The following GOLGA8A variants were observed in gnomAD, a reference collection of about 807,000 sequenced individuals.
GOLGA8A encodes the protein golgin A8 family member A, also known as golgin subfamily A member 8A.
GOLGA8A carries 3 observed loss-of-function variants against 22.1 expected under a neutral mutation model. The ratio of observed to expected loss-of-function variants is 0.14; its 90% confidence interval spans 0.06 to 0.35. The LOEUF (loss-of-function observed/expected upper bound fraction) is 0.35. Among genes scored for constraint, GOLGA8A ranks in the 10% least tolerant of loss-of-function variants. The pLI, the probability that GOLGA8A is intolerant of heterozygous loss-of-function variation, is 1.00. For synonymous variants in GOLGA8A, 7 were observed against 91.7 expected (o/e 0.08, Z 5.28); for missense variants, 16 against 233.2 (o/e 0.07, Z 6.07).
chr15:34,405,492 G>A lies in GOLGA8A; in HGVS notation c.-713-437C>T, dbSNP rs560434333. ...TGGGATTTCAGACACCCATCACCAC[G>A]CCCAGCTAATTTGTGTATATTTTTA... On this transcript the variant is annotated intron_variant, in intron 4 of 24. Transcript: ENST00000359187. 8.9e-5 allele frequency among the ~76,000 whole-genome samples: 13 copies of A among 146,284 alleles called. 1 individual carries two copies. The highest frequency in any genetic ancestry group is 5.5e-4 in the Admixed American group (8 of 14,552).
In GOLGA8A at chr15:34,418,330, A is replaced by C; in HGVS notation, c.-1122-10595T>G. ...AGTTGTCAGTCCTGGGTATAATTTT[A>C]GATGTTTTCAGGCTCTGAAGCTTTC... On this transcript the variant is annotated intron_variant, in intron 2 of 24. Coordinates refer to ENST00000359187, the MANE Select transcript of GOLGA8A (RefSeq NM_181077.5). 1.4e-5 allele frequency: 2 copies of C among 139,954 alleles called. 1 individual carries two copies. The allele number at this position is 139,954 out of a possible 1,614,324, so 8.7% of individuals were successfully genotyped here. A position where few individuals can be genotyped will look rare whatever the true frequency, so the allele number is the denominator to read the frequency against.
chr15:34,381,929 ACCCCACCCC>A (rs1267913163), intron 23 of GOLGA8A, 30 bp downstream of exon 23: 5,890 of 96,942 alleles, frequency 0.061, 114 homozygotes, highest in Middle Eastern at 0.13. Flanking sequence ...CCACACCCCC[ACCCCACCCC>A]CACCCCCACA....
rs528989348 is a variant in GOLGA8A at position 34,436,533 on chromosome 15, G to A, written c.-1212+865C>T. On this transcript the variant is annotated intron_variant, in intron 1 of 24. Coordinates refer to ENST00000359187, the MANE Select transcript of GOLGA8A (RefSeq NM_181077.5). The stretch of plus-strand genomic sequence containing the variant: ...GCCAGTAAATACTAAGTTAAGACTA[G>A]CAGGCCCCTCTAAGGCTCTGCTCTC... Among the ~76,000 whole-genome samples the A allele has an allele frequency of 5.3e-5, 8 of 150,074 alleles. No individual in the cohort carries two copies. The South Asian group carries it at 8.5e-4, about 16-fold the overall frequency.
intron 2 of GOLGA8A, chr15:34,419,954 G>T (rs1311478564): frequency 7.1e-6 from 1 of 141,756 alleles, no homozygotes; most frequent in Non-Finnish European, 1.5e-5. Context: ...AGGGGCTGGG[G>T]GAGGCGGAAA....
intron 2 of GOLGA8A, among the ~76,000 whole-genome samples, chr15:34,430,702 G>T (rs559082035): frequency 6.7e-6 from 1 of 149,594 alleles, no homozygotes; most frequent in Non-Finnish European, 1.5e-5. Flanking sequence ...CACTGACTGC[G>T]TGCTTTACTG....
At position 34,434,698 on chromosome 15, in the gene GOLGA8A, C is replaced by T. The variant is rs1193932979; in HGVS notation, c.-1123+685G>A. Among the ~76,000 whole-genome samples the T allele has an allele frequency of 2.0e-5, 3 of 149,394 alleles. 1 individual carries two copies. Among genetic ancestry groups the T allele is most frequent in the East Asian group, 2.0e-4 (1 of 5,094 alleles). On this transcript the variant is annotated intron_variant, in intron 2 of 24. Transcript: ENST00000359187. The stretch of plus-strand genomic sequence containing the variant: ...CCAAGGGAACAATGAGCACCCCCAG[C>T]CCCCGATGGGCACACAGGCTGCCTC...
chr15:34,434,751 C>G (rs745738793), intron 2 of GOLGA8A, among the ~76,000 whole-genome samples: 5 of 149,340 alleles, frequency 3.3e-5, no homozygotes, highest in Non-Finnish European at 7.4e-5. Flanking sequence ...CAAACCTGAC[C>G]TACATCTGGG....
intron 2 of GOLGA8A, among the ~76,000 whole-genome samples, chr15:34,429,568 G>A (rs1434659248): frequency 6.7e-6 from 1 of 148,980 alleles, no homozygotes; most frequent in Non-Finnish European, 1.5e-5. Flanking sequence ...GCCTCTCTAG[G>A]AGGGCCTTGG....
chr15:34,431,312 C>CATATAT (rs1157766795), intron 2 of GOLGA8A, among the ~76,000 whole-genome samples: 12 of 45,728 alleles, frequency 2.6e-4, no homozygotes, highest in African/African-American at 6.5e-4. Flanking sequence ...TATATATATA[C>CATATAT]ATATATATAT....
intron 2 of GOLGA8A, among the ~76,000 whole-genome samples, chr15:34,421,542 G>A (rs115750882): frequency 7.0e-6 from 1 of 142,608 alleles, no homozygotes; most frequent in Non-Finnish European, 1.5e-5. Flanking sequence ...CAGATTACTC[G>A]TTTTCAAGCA....
chr15:34,425,518 C>T (rs1413690614), intron 2 of GOLGA8A, among the ~76,000 whole-genome samples: 4 of 144,922 alleles, frequency 2.8e-5, no homozygotes, highest in African/African-American at 5.0e-5. Context: ...TGGTTATATA[C>T]ATTAGGGTAC....
rs1893460646 is a variant in GOLGA8A at position 34,435,463 on chromosome 15, C to T, written c.-1203G>A. ...CCTCCATTTCACAATCCATCTCCAC[C>T]GATTATTCCTGTAAAACATTTTTTT... On this transcript the variant is annotated 5_prime_UTR_variant, in exon 2 of 25. Coordinates refer to ENST00000359187, the MANE Select transcript of GOLGA8A (RefSeq NM_181077.5). 6.7e-6 allele frequency: 1 copy of T among 149,260 alleles called. No homozygotes were observed. The highest frequency in any genetic ancestry group is 2.1e-4 in the South Asian group (1 of 4,660). 9.2% of individuals were successfully genotyped at this position (149,260 alleles called of 1,614,324 possible). A position where few individuals can be genotyped will look rare whatever the true frequency, so the allele number is the denominator to read the frequency against.
chr15:34,430,767 G>A (rs1893191879), intron 2 of GOLGA8A, among the ~76,000 whole-genome samples: 1 of 149,704 alleles, frequency 6.7e-6, no homozygotes. Flanking sequence ...CTCAGTGGCT[G>A]GTGAGGAATG....
chr15:34,416,240 T>TC (rs1168507257), intron 2 of GOLGA8A: 2 of 151,754 alleles, frequency 1.3e-5, no homozygotes, highest in Non-Finnish European at 2.9e-5. Flanking sequence ...GAGAACTTTT[T>TC]CTTCTCTGAT....
Position 34,386,617 on chromosome 15 carries a change from ACT to A in GOLGA8A, c.285+6_285+7del. ...GCGTGGAATCAGGGGACCCCACTGG[ACT>A]CTTACCAAAGATTTGATGGTGTCAT... On this transcript the variant is annotated splice_donor_region_variant and intron_variant, in intron 12 of 24. Coordinates refer to ENST00000359187, the MANE Select transcript of GOLGA8A (RefSeq NM_181077.5). 6.9e-7 allele frequency: 1 copy of A among 1,453,302 alleles called. No homozygotes were observed. The allele number at this position is 1,453,302 out of a possible 1,614,324, so 90.0% of individuals were successfully genotyped here. A position where few individuals can be genotyped will look rare whatever the true frequency, so the allele number is the denominator to read the frequency against.
At position 34,379,428 on chromosome 15, in the gene GOLGA8A, T is replaced by G. The variant is rs2140186385; in HGVS notation, c.*1983A>C. ...GGCTAGAAATCATACGACTGTTAATTAGCCGCATTATTTGGTCTAACATTT... is the reference window on the plus strand; with the variant it reads ...GGCTAGAAATCATACGACTGTTAATGAGCCGCATTATTTGGTCTAACATTT... On this transcript the variant is annotated 3_prime_UTR_variant, in exon 25 of 25. Transcript: ENST00000359187. 1 of 152,718 alleles carries G rather than the reference T, an allele frequency of 6.5e-6. No individual in the cohort carries two copies. The highest frequency in any genetic ancestry group is 2.1e-4 in the South Asian group (1 of 4,832). 9.5% of individuals were successfully genotyped at this position (152,718 alleles called of 1,614,324 possible).
intron 1 of GOLGA8A, among the ~76,000 whole-genome samples, chr15:34,436,310 A>G (rs890445374): frequency 3.3e-5 from 5 of 149,368 alleles, no homozygotes; most frequent in African/African-American, 1.2e-4. Context: ...AAACAAACAA[A>G]AACAAAGAGG....
rs16954646 is a variant in GOLGA8A at position 34,379,917 on chromosome 15, G to A, written c.*1494C>T. ...GACTGAAAATGAGAGGTACAAAAAC[G>A]TATTTCACTCTTCGTAAAGAAGTTT... is the stretch of plus-strand genomic sequence containing the variant. On this transcript the variant is annotated 3_prime_UTR_variant, in exon 25 of 25. Coordinates refer to ENST00000359187, the MANE Select transcript of GOLGA8A (RefSeq NM_181077.5). 18 of 152,584 alleles carry A rather than the reference G, an allele frequency of 1.2e-4. No homozygotes were observed. The highest frequency in any genetic ancestry group is 2.2e-4 in the African/African-American group (9 of 41,438). The allele number at this position is 152,584 out of a possible 1,614,324, so 9.5% of individuals were successfully genotyped here.
In GOLGA8A at chr15:34,417,954, G is replaced by A. The variant is rs548826834; in HGVS notation, c.-1122-10219C>T. 1.6e-3 allele frequency: 225 copies of A among 138,964 alleles called. 6 individuals carry two copies. Among genetic ancestry groups the A allele is most frequent in the African/African-American group, 5.7e-3 (213 of 37,624 alleles). The allele number at this position is 138,964 out of a possible 1,614,324, so 8.6% of individuals were successfully genotyped here. A position where few individuals can be genotyped will look rare whatever the true frequency, so the allele number is the denominator to read the frequency against. On this transcript the variant is annotated intron_variant, in intron 2 of 24. Transcript: ENST00000359187. ...TTACTAAACGTCCTACAACACACAG[G>A]AGAACCCTCCACAAATTGTCTGGCC...
Sources: allele counts gnomAD v4.1 joint callset (sites outside exome capture counted in the v4.1 genomes callset), GRCh38; gene constraint gnomAD v4.1.1; transcripts MANE v1.5; gene names NCBI Gene and HGNC (gene_info 2026-07-23, HGNC 2026-07-21).